The following EPHA5 variants were observed in gnomAD, a reference collection of about 807,000 sequenced individuals.
EPHA5 encodes ephrin type-A receptor 5.
A neutral mutation model predicts 105.0 loss-of-function variants in EPHA5; 60 were observed. The observed-to-expected ratio is 0.57, with a 90% CI of 0.46 to 0.71. The LOEUF (loss-of-function observed/expected upper bound fraction) is 0.71, where lower values mean the gene tolerates loss of function less well. Ranked by LOEUF, EPHA5 falls within the 30% of genes least tolerant of loss-of-function variation. The probability of loss-of-function intolerance (pLI) is 0.00; values close to 1 mark genes in which losing one functional copy is unlikely to be tolerated. For missense variants in EPHA5, 1,218 were observed against 1,274.7 expected (o/e 0.96, Z 0.68); for synonymous variants, 513 against 449.1 (o/e 1.14, Z -1.80).
At chr4:65,531,193 G>A (rs887100457) in intron 3 of EPHA5, among the ~76,000 whole-genome samples, 2 of 149,568 alleles carry the variant, frequency 1.3e-5, no homozygotes, top group Non-Finnish European at 3.0e-5. Context: ...GCCCGCCACC[G>A]CGCCCGGCTA....
intron 3 of EPHA5, among the ~76,000 whole-genome samples, chr4:65,597,163 A>G (rs1743275012): frequency 6.6e-6 from 1 of 152,144 alleles, no homozygotes; most frequent in South Asian, 2.1e-4. Context: ...TGTACTATAT[A>G]CCTTCTTCAC....
At chr4:65,417,147 G>A (rs948760241) in intron 6 of EPHA5, among the ~76,000 whole-genome samples, 10 of 152,214 alleles carry the variant, frequency 6.6e-5, no homozygotes, top group Admixed American at 3.9e-4. Context: ...ATTAAGAGAT[G>A]GCAATGAGCC....
chr4:65,375,494 C>A (rs1345704328), intron 8 of EPHA5, among the ~76,000 whole-genome samples: 1 of 151,772 alleles, frequency 6.6e-6, no homozygotes, highest in Admixed American at 6.6e-5. Flanking sequence ...GCCAAAAGTA[C>A]AGTAGAAAAA....
intron 3 of EPHA5, among the ~76,000 whole-genome samples, chr4:65,588,474 A>C (rs1742331205): frequency 6.6e-6 from 1 of 152,136 alleles, no homozygotes; most frequent in African/African-American, 2.4e-5. Flanking sequence ...AGATCTGCTC[A>C]GGGGAACAGT....
intron 5 of EPHA5, among the ~76,000 whole-genome samples, chr4:65,483,204 G>A (rs1730553381): frequency 6.6e-6 from 1 of 152,112 alleles, no homozygotes; most frequent in Non-Finnish European, 1.5e-5. Context: ...CCCTTTTTAT[G>A]GCAGCATAGT....
chr4:65,617,658 CAAT>C (rs1304795186), intron 2 of EPHA5, among the ~76,000 whole-genome samples: 1 of 151,938 alleles, frequency 6.6e-6, no homozygotes, highest in Non-Finnish European at 1.5e-5. Flanking sequence ...TTTTTCTTCT[CAAT>C]AATAACTGCC....
chr4:65,422,673 T>A (rs1329336119), intron 5 of EPHA5, among the ~76,000 whole-genome samples: 2 of 152,070 alleles, frequency 1.3e-5, no homozygotes, highest in Non-Finnish European at 2.9e-5. Context: ...TCTTTCCATA[T>A]TGTACCTTCT....
chr4:65,561,136 A>C (rs138552775), intron 3 of EPHA5, among the ~76,000 whole-genome samples: 8 of 152,154 alleles, frequency 5.3e-5, no homozygotes, highest in Non-Finnish European at 8.8e-5. Context: ...ATGGAAAAAA[A>C]ATTTCCTCCG....
chr4:65,647,570 AAACTTGTCTGGGAG>A (rs1748234199), intron 1 of EPHA5, among the ~76,000 whole-genome samples: 1 of 152,088 alleles, frequency 6.6e-6, no homozygotes, highest in African/African-American at 2.4e-5. Context: ...AACTTAATTA[AAACTTGTCTGGGAG>A]AACCCACTAA....
intron 5 of EPHA5, among the ~76,000 whole-genome samples, chr4:65,480,808 A>T (rs1730282250): frequency 6.6e-6 from 1 of 152,050 alleles, no homozygotes; most frequent in African/African-American, 2.4e-5. Context: ...TCCTTTATTA[A>T]TGCTCTTTTC....
intron 14 of EPHA5, 143 bp from the exon 15 acceptor site, chr4:65,336,268 C>G: frequency 4.2e-6 from 2 of 480,762 alleles, no homozygotes; most frequent in Admixed American, 8.6e-5. Flanking sequence ...TTAAAATCCA[C>G]GGCTATTTCC....
chr4:65,516,578 G>C (rs1734127443), intron 3 of EPHA5, among the ~76,000 whole-genome samples: 1 of 151,946 alleles, frequency 6.6e-6, no homozygotes, highest in Non-Finnish European at 1.5e-5. Context: ...ATGCGCGCGT[G>C]CATATGTCTG....
At chr4:65,489,577 T>C (rs1578236357) in intron 5 of EPHA5, among the ~76,000 whole-genome samples, 1 of 152,312 alleles carries the variant, frequency 6.6e-6, no homozygotes, top group South Asian at 2.1e-4. Flanking sequence ...GGACAAAACA[T>C]GCTAGAAATT....
intron 15 of EPHA5, among the ~76,000 whole-genome samples, chr4:65,334,812 T>C (rs894600826): frequency 2.6e-5 from 4 of 152,004 alleles, no homozygotes; most frequent in African/African-American, 9.7e-5. Flanking sequence ...CATAAGTTTT[T>C]TTTTACTCCT....
intron 3 of EPHA5, among the ~76,000 whole-genome samples, chr4:65,516,796 G>A (rs1158515567): frequency 6.6e-6 from 1 of 152,134 alleles, no homozygotes; most frequent in East Asian, 1.9e-4. Flanking sequence ...TCCATACAAT[G>A]TTGACTAGAA....
At chr4:65,611,557 AT>A (rs1744761595) in intron 2 of EPHA5, among the ~76,000 whole-genome samples, 1 of 149,574 alleles carries the variant, frequency 6.7e-6, no homozygotes, top group Admixed American at 6.7e-5. Flanking sequence ...TCAGTAAACC[AT>A]GTGCAACTCT....
At chr4:65,446,692 G>A (rs919009001) in intron 5 of EPHA5, among the ~76,000 whole-genome samples, 2 of 151,816 alleles carry the variant, frequency 1.3e-5, no homozygotes, top group African/African-American at 4.8e-5. Flanking sequence ...ATGCACATGG[G>A]GTGCATGTAT....
intron 5 of EPHA5, among the ~76,000 whole-genome samples, chr4:65,481,125 A>T (rs1050012723): frequency 2.1e-4 from 32 of 152,282 alleles, no homozygotes; most frequent in African/African-American, 7.5e-4. Context: ...AAATTTAAGA[A>T]ATTCAACAAA....
chr4:65,353,690 A>G (rs938734512), intron 11 of EPHA5, among the ~76,000 whole-genome samples: 1 of 151,766 alleles, frequency 6.6e-6, no homozygotes, highest in Non-Finnish European at 1.5e-5. Context: ...AATTCTCACA[A>G]TTCTAAATAA....
Sources: gnomAD v4.1 joint callset for allele counts (sites outside exome capture counted in the v4.1 genomes callset) on GRCh38, gnomAD v4.1.1 for gene constraint, MANE v1.5 for transcripts, NCBI Gene and HGNC (gene_info 2026-07-23, HGNC 2026-07-21) for gene names.